WSCD2: variants seen among roughly 807,000 people sequenced by gnomAD.
WSCD2 encodes the protein sialate:O-sulfotransferase 2.
In WSCD2, 28 loss-of-function variants were observed where a neutral mutation model predicts 55.7. The observed-to-expected ratio is 0.50, with a 90% CI of 0.37 to 0.69. The LOEUF is 0.69. Among genes scored for constraint, WSCD2 ranks in the 30% least tolerant of loss-of-function variants. The pLI, the probability that WSCD2 is intolerant of heterozygous loss-of-function variation, is 0.00. For synonymous variants in WSCD2, 301 were observed against 301.9 expected, an observed-to-expected ratio of 1.00 and a Z score of 0.03; for missense variants, 616 against 762.1, an observed-to-expected ratio of 0.81 and a Z score of 2.26.
chr12:108,132,405 T>A (rs1000353153), intron 1 of WSCD2, among the ~76,000 whole-genome samples: 3 of 152,168 alleles, frequency 2.0e-5, no homozygotes, highest in Non-Finnish European at 4.4e-5. Context: ...TGTGCTTGTG[T>A]GAGCATAACT....
chr12:108,239,465 C>T (rs1303512541), intron 7 of WSCD2, among the ~76,000 whole-genome samples: 1 of 152,084 alleles, frequency 6.6e-6, no homozygotes, highest in Non-Finnish European at 1.5e-5. Flanking sequence ...GGGACCAATC[C>T]CCCATCCCCC....
chr12:108,211,085 C>G (rs1241977856), intron 4 of WSCD2, among the ~76,000 whole-genome samples: 1 of 152,238 alleles, frequency 6.6e-6, no homozygotes, highest in African/African-American at 2.4e-5. Flanking sequence ...AAGCCAATTA[C>G]AGACCTGATT....
At chr12:108,151,212 A>G (rs1015094491) in intron 1 of WSCD2, among the ~76,000 whole-genome samples, 2 of 152,044 alleles carry the variant, frequency 1.3e-5, no homozygotes, top group African/African-American at 4.8e-5. Context: ...GTGGTGAGAT[A>G]ATTTCTTTCT....
chr12:108,246,058 G>A (rs780667761), intron 8 of WSCD2, among the ~76,000 whole-genome samples: 11 of 152,230 alleles, frequency 7.2e-5, no homozygotes, highest in African/African-American at 1.2e-4. Context: ...CAGGCAGTGG[G>A]AGGAAGTGGT....
At chr12:108,132,388 G>A (rs931483121) in intron 1 of WSCD2, among the ~76,000 whole-genome samples, 1 of 152,182 alleles carries the variant, frequency 6.6e-6, no homozygotes, top group African/African-American at 2.4e-5. Context: ...ATGCAGGTGT[G>A]GGCTCATGTG....
chr12:108,151,037 G>A (rs1362292295), intron 1 of WSCD2, among the ~76,000 whole-genome samples: 1 of 151,948 alleles, frequency 6.6e-6, no homozygotes, highest in East Asian at 2.0e-4. Context: ...GCTTGGCTGA[G>A]TCCAGTGTGG....
intron 1 of WSCD2, among the ~76,000 whole-genome samples, chr12:108,191,772 G>A (rs1883195769): frequency 6.6e-6 from 1 of 152,146 alleles, no homozygotes; most frequent in South Asian, 2.1e-4. Flanking sequence ...AGCACCGGCA[G>A]GATGCTGTGG....
intron 1 of WSCD2, among the ~76,000 whole-genome samples, chr12:108,159,724 G>C (rs1878872311): frequency 6.6e-6 from 1 of 152,210 alleles, no homozygotes; most frequent in African/African-American, 2.4e-5. Flanking sequence ...TTCTGCCCAG[G>C]GGAGGAATCT....
Position 108,248,243 on chromosome 12 carries a change from C to A in WSCD2, c.1598C>A (p.Ala533Glu). ...AAGCTCGAGTATGACCCCTATACTGCGGACATGCAGAAGACCATCTCTGCC... is the reference window on the plus strand; with the variant it reads ...AAGCTCGAGTATGACCCCTATACTGAGGACATGCAGAAGACCATCTCTGCC... ...LRKLEYDPYT[A>E]DMQKTISAYI... Residue 533 changes from alanine to glutamate, a missense_variant, in exon 9 of 9, where the codon GCG becomes GAG. By Grantham distance (107) the Ala-to-Glu change is moderately radical. Transcript: ENST00000547525. This position sits in a 1 kb window ranked among gnomAD's most constrained non-coding sequence, Gnocchi z 4.3. 1.2e-6 allele frequency: 2 copies of A among 1,614,194 alleles called. No individual in the cohort carries two copies. The highest frequency in any genetic ancestry group is 1.3e-5 in the African/African-American group (1 of 75,056).
At chr12:108,155,439 A>G (rs1878421684) in intron 1 of WSCD2, among the ~76,000 whole-genome samples, 1 of 152,160 alleles carries the variant, frequency 6.6e-6, no homozygotes. Context: ...GACACGTTAT[A>G]TTTTCTGGTT....
intron 1 of WSCD2, among the ~76,000 whole-genome samples, chr12:108,181,502 C>T (rs886726566): frequency 2.6e-5 from 4 of 152,228 alleles, no homozygotes; most frequent in Admixed American, 1.3e-4. Context: ...AGGATATTGA[C>T]GGGGACTAGA....
chr12:108,167,107 C>T (rs1003139471), intron 1 of WSCD2, among the ~76,000 whole-genome samples: 1 of 152,058 alleles, frequency 6.6e-6, no homozygotes, highest in African/African-American at 2.4e-5. Flanking sequence ...CCACAGTGGC[C>T]GGACTATTTG....
At chr12:108,184,653 C>T (rs1407317962) in intron 1 of WSCD2, among the ~76,000 whole-genome samples, 3 of 152,170 alleles carry the variant, frequency 2.0e-5, no homozygotes, top group Non-Finnish European at 4.4e-5. Flanking sequence ...CCCCCGGGTT[C>T]CTCATCTGTA....
At chr12:108,173,675 C>T (rs1207331995) in intron 1 of WSCD2, among the ~76,000 whole-genome samples, 1 of 152,148 alleles carries the variant, frequency 6.6e-6, no homozygotes, top group East Asian at 1.9e-4. Flanking sequence ...ATCCTTCTGA[C>T]TCCTATGGTG....
chr12:108,144,647 GGTGT>G (rs1877202699), intron 1 of WSCD2, among the ~76,000 whole-genome samples: 1 of 152,092 alleles, frequency 6.6e-6, no homozygotes, highest in Non-Finnish European at 1.5e-5. Flanking sequence ...CTGCCTTCTA[GGTGT>G]CAGGAGCATG....
chr12:108,243,226 T>C (rs548324436), intron 8 of WSCD2, among the ~76,000 whole-genome samples: 2 of 152,290 alleles, frequency 1.3e-5, no homozygotes, highest in African/African-American at 4.8e-5. Flanking sequence ...TCTGTGTGTG[T>C]GGTTTTTTGT....
chr12:108,145,347 C>T (rs980521070), intron 1 of WSCD2, among the ~76,000 whole-genome samples: 4 of 152,234 alleles, frequency 2.6e-5, no homozygotes, highest in Admixed American at 6.5e-5. Flanking sequence ...TTTGTGATTA[C>T]AGCGTTGTGT....
chr12:108,214,517 G>A (rs1203393032), intron 4 of WSCD2, among the ~76,000 whole-genome samples: 1 of 152,242 alleles, frequency 6.6e-6, no homozygotes, highest in Non-Finnish European at 1.5e-5. Flanking sequence ...TTTGCTAAAT[G>A]TGTCGGCAAG....
intron 1 of WSCD2, among the ~76,000 whole-genome samples, chr12:108,175,463 T>G (rs905743813): frequency 6.6e-6 from 1 of 152,210 alleles, no homozygotes; most frequent in African/African-American, 2.4e-5. Flanking sequence ...CTCGGTTTAA[T>G]AGGATCCAGG....
Sources: allele counts gnomAD v4.1 joint callset (sites outside exome capture counted in the v4.1 genomes callset), GRCh38; gene constraint gnomAD v4.1.1; non-coding constraint Gnocchi (gnomAD v3.1); transcripts MANE v1.5; gene names NCBI Gene and HGNC (gene_info 2026-07-23, HGNC 2026-07-21).